The following FAT3 variants were observed in gnomAD, a reference collection of about 807,000 sequenced individuals.
FAT3 encodes protocadherin Fat 3.
FAT3 carries 95 observed loss-of-function variants against 310.2 expected under a neutral mutation model. The observed-to-expected ratio is 0.31, with a 90% CI of 0.26 to 0.36. FAT3 has a LOEUF of 0.36. FAT3 is among the 10% of genes least tolerant of loss of function. The pLI, the probability that FAT3 is intolerant of heterozygous loss-of-function variation, is 1.00. For missense variants in FAT3, 5,408 were observed against 5,715.6 expected (o/e 0.95, Z 1.74); for synonymous variants, 2,314 against 2,192.9 (o/e 1.06, Z -1.54).
At chr11:92,504,542 A>G (rs568503506) in intron 2 of FAT3, among the ~76,000 whole-genome samples, 1 of 152,230 alleles carries the variant, frequency 6.6e-6, no homozygotes, top group South Asian at 2.1e-4. Context: ...TTAAAATCCT[A>G]TGTTGCCTAT....
chr11:92,672,996 G>A (rs949261652), intron 3 of FAT3, among the ~76,000 whole-genome samples: 3 of 152,156 alleles, frequency 2.0e-5, no homozygotes, highest in Admixed American at 6.5e-5. Context: ...AAGGATTCAT[G>A]TATTGATTCT....
chr11:92,393,439 T>C (rs1433876623), intron 2 of FAT3, among the ~76,000 whole-genome samples: 2 of 152,144 alleles, frequency 1.3e-5, no homozygotes, highest in Non-Finnish European at 2.9e-5. Context: ...TTGAGACTCT[T>C]CTGCCAGGAT....
chr11:92,760,685 G>A (rs965676788), intron 4 of FAT3, among the ~76,000 whole-genome samples: 3 of 152,284 alleles, frequency 2.0e-5, no homozygotes, highest in Non-Finnish European at 4.4e-5. Context: ...TACTGAAGAG[G>A]ATATTTTGGA....
At position 92,280,401 on chromosome 11, in the gene FAT3, T is replaced by C. The variant is rs529275162; in HGVS notation, c.-18+55227T>C. ...AAAAGGTGTACTTTGAAACTGGAAA[T>C]TGACATTTAAGAAATACAGCAGTAA... On this transcript the variant is annotated intron_variant, in intron 1 of 27. Transcript: ENST00000525166. Among the ~76,000 whole-genome samples the C allele has an allele frequency of 2.0e-4, 30 of 152,284 alleles. 1 individual carries two copies. The South Asian group carries it at 5.0e-3, about 25-fold the overall frequency.
chr11:92,465,099 G>T (rs547490097), intron 2 of FAT3, among the ~76,000 whole-genome samples: 158 of 152,252 alleles, frequency 1.0e-3, no homozygotes, highest in Non-Finnish European at 1.8e-3. Flanking sequence ...TGCAGTTAGG[G>T]TAACTAATAT....
At chr11:92,730,626 C>T (rs1170265712) in intron 4 of FAT3, among the ~76,000 whole-genome samples, 2 of 152,146 alleles carry the variant, frequency 1.3e-5, no homozygotes, top group Non-Finnish European at 2.9e-5. Flanking sequence ...TGTTTGCCTG[C>T]TTTTGAATTT....
rs375180464 is a variant in FAT3, at chr11:92,844,070, G to A, written c.10703G>A (p.Gly3568Glu). 6.2e-6 allele frequency: 10 copies of A among 1,613,882 alleles called. No homozygotes were observed. Among genetic ancestry groups the A allele is most frequent in the Non-Finnish European group, 8.5e-6 (10 of 1,179,866 alleles). Residue 3568 changes from glycine (G) to glutamate (E), a missense_variant, in exon 19 of 28, where the codon GGG becomes GAG. Gly to Glu is a moderately conservative substitution (Grantham distance 98, BLOSUM62 -2). Coordinates refer to ENST00000525166, the MANE Select transcript of FAT3 (RefSeq NM_001367949.2). Reference protein sequence around the residue: ...IVTMEDDFPGGVIGKIHATDQ... With the variant: ...IVTMEDDFPGEVIGKIHATDQ... The stretch of plus-strand genomic sequence containing the variant: ...ACCATGGAGGATGACTTTCCTGGTG[G>A]GGTCATTGGGAAGATTCATGCCACA...
intron 1 of FAT3, among the ~76,000 whole-genome samples, chr11:92,268,084 G>A (rs1946019444): frequency 6.6e-6 from 1 of 150,954 alleles, no homozygotes; most frequent in Admixed American, 6.6e-5. Context: ...TCAGTTCAGA[G>A]AAGGAAAAGG....
Position 92,799,196 on chromosome 11 carries a change from C to G in FAT3, c.6183C>G (p.Asp2061Glu), listed in dbSNP as rs1452573888. 2 of 1,613,890 alleles carry G rather than the reference C, an allele frequency of 1.2e-6. No individual in the cohort carries two copies. Among genetic ancestry groups the G allele is most frequent in the Admixed American group, 3.3e-5 (2 of 60,020 alleles). ...ELVVEASREL[D>E]HLRVARVVVR... ...TGGTAGAAGCCAGCCGTGAGCTGGACCATCTGCGTGTGGCCAGAGTGGTGG... is the reference window on the plus strand; with the variant it reads ...TGGTAGAAGCCAGCCGTGAGCTGGAGCATCTGCGTGTGGCCAGAGTGGTGG... Residue 2061 changes from aspartate to glutamate, a missense_variant, in exon 10 of 28, where the codon GAC becomes GAG. Asp to Glu is a conservative substitution (Grantham distance 45). Around this residue, in one of 5 missense-constraint regions of FAT3, gnomAD observed 4,588 missense variants for 4,809.8 expected, o/e 0.95. Coordinates refer to ENST00000525166, the MANE Select transcript of FAT3 (RefSeq NM_001367949.2).
At chr11:92,807,778 G>A (rs896900539) in intron 12 of FAT3, among the ~76,000 whole-genome samples, 6 of 152,182 alleles carry the variant, frequency 3.9e-5, no homozygotes, top group Admixed American at 6.5e-5. Flanking sequence ...CAAGGTGCAA[G>A]GTTATGTAAG....
intron 22 of FAT3, among the ~76,000 whole-genome samples, chr11:92,880,149 G>T (rs957529220): frequency 4.0e-5 from 6 of 151,316 alleles, no homozygotes; most frequent in Non-Finnish European, 7.4e-5. Context: ...TGAAAAAAAT[G>T]CAAAAATCAG....
At position 92,352,851 on chromosome 11, in the gene FAT3, A is replaced by G. The variant is rs1948605910; in HGVS notation, c.739A>G (p.Ser247Gly). Reference protein sequence around the residue: ...GMKLYGNNGVSSTAKLYVHIE... With the variant: ...GMKLYGNNGVGSTAKLYVHIE... ...GAAACTGTATGGGAACAATGGAGTG[A>G]GCAGTACTGCAAAGCTTTATGTTCA... Residue 247 changes from serine (S) to glycine (G), a missense_variant, in exon 2 of 28, where the codon AGC becomes GGC. By Grantham distance (56) the Ser-to-Gly change is moderately conservative (BLOSUM62 0). Transcript: ENST00000525166. 2 of 1,613,824 alleles carry G rather than the reference A, an allele frequency of 1.2e-6. No individual in the cohort carries two copies. Among genetic ancestry groups the G allele is most frequent in the Non-Finnish European group, 1.7e-6 (2 of 1,179,890 alleles).
chr11:92,486,143 T>TG (rs1952387757), intron 2 of FAT3, among the ~76,000 whole-genome samples: 2 of 139,158 alleles, frequency 1.4e-5, no homozygotes, highest in Non-Finnish European at 3.1e-5. Context: ...TTTTTTTTTT[T>TG]TTTTTTTTTT....
rs1353672568 is a variant in FAT3, at chr11:92,647,852, G to A, written c.3608-49532G>A. Among the ~76,000 whole-genome samples, 3 of 152,056 alleles carry A rather than the reference G, an allele frequency of 2.0e-5. No homozygotes were observed. The East Asian group carries it at 5.8e-4, about 29-fold the overall frequency. On this transcript the variant is annotated intron_variant, in intron 3 of 27. Coordinates refer to ENST00000525166, the MANE Select transcript of FAT3 (RefSeq NM_001367949.2). Reference sequence around the variant, plus strand: ...AAATAGATTGCTCCAGGATAAGCAGGGTTTTAAAATAAATGTTAAAAGTAC... The same window carrying A: ...AAATAGATTGCTCCAGGATAAGCAGAGTTTTAAAATAAATGTTAAAAGTAC...
intron 2 of FAT3, among the ~76,000 whole-genome samples, chr11:92,474,349 G>A (rs981561993): frequency 2.0e-5 from 3 of 152,152 alleles, no homozygotes; most frequent in African/African-American, 7.2e-5. Flanking sequence ...CCTGAAAAGA[G>A]TACATATGAA....
intron 3 of FAT3, among the ~76,000 whole-genome samples, chr11:92,666,595 C>T (rs1186606909): frequency 2.6e-5 from 4 of 151,332 alleles, no homozygotes; most frequent in Non-Finnish European, 4.4e-5. Flanking sequence ...CTCCTGACCT[C>T]GTGATCCGCC....
intron 2 of FAT3, among the ~76,000 whole-genome samples, chr11:92,435,537 C>CCCTT (rs969021934): frequency 1.6e-5 from 2 of 125,202 alleles, no homozygotes; most frequent in South Asian, 2.7e-4. Flanking sequence ...TTCTTTCTTT[C>CCCTT]CCTTCCTTCC....
intron 17 of FAT3, among the ~76,000 whole-genome samples, chr11:92,838,338 A>G (rs1383006297): frequency 1.3e-5 from 2 of 152,206 alleles, no homozygotes; most frequent in Admixed American, 6.5e-5. Context: ...TTAATCTTCC[A>G]TAAGCAATTT....
intron 1 of FAT3, among the ~76,000 whole-genome samples, chr11:92,338,312 T>G (rs764864294): frequency 6.6e-5 from 10 of 152,206 alleles, no homozygotes; most frequent in Non-Finnish European, 1.2e-4. Flanking sequence ...GAAAACTATC[T>G]ACTTACCTAC....
Sources: allele counts gnomAD v4.1 joint callset (sites outside exome capture counted in the v4.1 genomes callset), GRCh38; gene constraint gnomAD v4.1.1; regional missense constraint gnomAD v4.1.1; transcripts MANE v1.5; gene names NCBI Gene and HGNC (gene_info 2026-07-23, HGNC 2026-07-21).